SCFD1: variants seen among roughly 807,000 people sequenced by gnomAD.
SCFD1 encodes sec1 family domain containing 1.
A neutral mutation model predicts 103.2 loss-of-function variants in SCFD1; 37 were observed. That is an observed-to-expected ratio of 0.36 (90% CI 0.28 to 0.47). The LOEUF is 0.47. Ranked by LOEUF, SCFD1 falls within the 20% of genes least tolerant of loss-of-function variation. The probability of loss-of-function intolerance (pLI) is 1.00; values close to 1 mark genes in which losing one functional copy is unlikely to be tolerated. For missense variants in SCFD1, 639 were observed against 761.2 expected, an observed-to-expected ratio of 0.84 and a Z score of 1.89; for synonymous variants, 264 against 245.0, an observed-to-expected ratio of 1.08 and a Z score of -0.73.
chr14:30,715,839 A>T, intron 19 of SCFD1, 85 bp from the exon 20 acceptor site: 3 of 699,312 alleles, frequency 4.3e-6, no homozygotes, highest in Non-Finnish European at 7.4e-6. Context: ...AGGTAAGCAT[A>T]CTTAACTGTA....
Position 30,630,564 on chromosome 14 carries a change from C to A in SCFD1, c.220C>A (p.Leu74Met), listed in dbSNP as rs750642285. ...AAGAGACATGGGAATCACTCTGCATCTGTGAGTTTTTACATATTTCTAATA... is the reference window on the plus strand; with the variant it reads ...AAGAGACATGGGAATCACTCTGCATATGTGAGTTTTTACATATTTCTAATA... ...ELRDMGITLH[L>M]LLHSDRDPIP... The change falls in exon 3 of 25, where the codon CTG becomes ATG. Residue 74 changes from leucine (L) to methionine (M), a missense_variant and splice_region_variant. Leu to Met is a conservative substitution (Grantham distance 15). Coordinates refer to ENST00000458591, the MANE Select transcript of SCFD1 (RefSeq NM_016106.4). 3 of 1,547,394 alleles carry A rather than the reference C, an allele frequency of 1.9e-6. No homozygotes were observed. Among genetic ancestry groups the A allele is most frequent in the South Asian group, 1.1e-5 (1 of 89,468 alleles).
At position 30,728,838 on chromosome 14, in the gene SCFD1, C is replaced by CTT. The variant is rs367747323; in HGVS notation, c.1837-5935_1837-5934dup. On this transcript the variant is annotated intron_variant, in intron 23 of 24. Transcript: ENST00000458591. Reference sequence around the variant, plus strand: ...AAATGTCTGTTTAGATCCTTTGTCCCTTTTTTTTTTTTTTTTTTCCCCCCG... The same window carrying CTT: ...AAATGTCTGTTTAGATCCTTTGTCCCTTTTTTTTTTTTTTTTTTTTCCCCCCG... Among the ~76,000 whole-genome samples, 450 of 131,678 alleles carry CTT rather than the reference C, an allele frequency of 3.4e-3. 6 individuals carry two copies. Among genetic ancestry groups the CTT allele is most frequent in the East Asian group, 0.019 (78 of 4,140 alleles). The allele number at this position is 131,678 out of a possible 152,430, so 86.4% of individuals were successfully genotyped here. A position where few individuals can be genotyped will look rare whatever the true frequency, so the allele number is the denominator to read the frequency against.
At position 30,638,225 on chromosome 14, in the gene SCFD1, G is replaced by T. The variant is rs1884925079; in HGVS notation, c.413G>T (p.Ser138Ile). The T allele has an allele frequency of 3.1e-6, 5 of 1,613,014 alleles. No homozygotes were observed. The highest frequency in any genetic ancestry group is 3.4e-6 in the Non-Finnish European group (4 of 1,179,500). The change falls in exon 5 of 25, where the codon AGT becomes ATT. Residue 138 changes from serine (S) to isoleucine (I), a missense_variant. By Grantham distance (142) the Ser-to-Ile change is moderately radical. Transcript: ENST00000458591. ...EDIANAALAASAVTQVAKVFD... is the reference protein window; with the variant it reads ...EDIANAALAAIAVTQVAKVFD... The stretch of plus-strand genomic sequence containing the variant: ...ATTGCAAATGCAGCGTTAGCAGCTA[G>T]TGCAGTAACACAAGTAGCCAAGGTA...
intron 11 of SCFD1, 39 bp from the exon 12 acceptor site, chr14:30,673,218 T>C (rs1425696349): frequency 9.2e-7 from 1 of 1,085,346 alleles, no homozygotes; most frequent in Non-Finnish European, 1.3e-6. Flanking sequence ...ATTGGTCTTT[T>C]AATGTCATCC....
intron 23 of SCFD1, among the ~76,000 whole-genome samples, chr14:30,725,446 A>G (rs978545896): frequency 1.3e-5 from 2 of 152,114 alleles, no homozygotes; most frequent in East Asian, 1.9e-4. Context: ...TTTTGTGGCA[A>G]TTGTGAATGG....
rs906332252 is a variant in SCFD1, at chr14:30,683,681, G to A, written c.1242+8616G>A. ...TATACTTTCCTATAGATATTACGTC[G>A]TAGGTAGATTTCTGTCTCACAAACC... On this transcript the variant is annotated intron_variant, in intron 14 of 24. Transcript: ENST00000458591. 8.8e-5 allele frequency: 16 copies of A among 181,840 alleles called. No homozygotes were observed. In the East Asian group the frequency reaches 2.4e-3, roughly 27 times the overall value. 11.3% of individuals were successfully genotyped at this position (181,840 alleles called of 1,614,324 possible).
chr14:30,703,919 A>G (rs1325097035), intron 17 of SCFD1, among the ~76,000 whole-genome samples: 1 of 33,300 alleles, frequency 3.0e-5, no homozygotes, highest in African/African-American at 2.8e-4. Flanking sequence ...GCATATATAT[A>G]TATATATATA....
intron 21 of SCFD1, among the ~76,000 whole-genome samples, chr14:30,720,177 C>T (rs1892557835): frequency 6.6e-6 from 1 of 152,090 alleles, no homozygotes; most frequent in South Asian, 2.1e-4. Flanking sequence ...AACGTTATTC[C>T]CTTTTCTGAA....
intron 6 of SCFD1, among the ~76,000 whole-genome samples, chr14:30,642,462 A>G (rs781626811): frequency 4.6e-5 from 7 of 152,298 alleles, no homozygotes; most frequent in Admixed American, 1.3e-4. Context: ...AGAATCTTTA[A>G]TTTTTAAAAA....
intron 14 of SCFD1, among the ~76,000 whole-genome samples, chr14:30,675,542 A>G (rs1888957394): frequency 1.3e-5 from 2 of 152,208 alleles, no homozygotes; most frequent in African/African-American, 2.4e-5. Context: ...TGAAACAAGT[A>G]TGTTGGGAGT....
intron 14 of SCFD1, among the ~76,000 whole-genome samples, chr14:30,691,049 G>C (rs1229802103): frequency 4.6e-5 from 7 of 152,182 alleles, no homozygotes; most frequent in Admixed American, 2.0e-4. Flanking sequence ...TCAAGAATTT[G>C]AGAAAAGGCC....
intron 9 of SCFD1, among the ~76,000 whole-genome samples, chr14:30,652,606 T>A (rs1275674143): frequency 6.6e-6 from 1 of 152,214 alleles, no homozygotes; most frequent in Non-Finnish European, 1.5e-5. Flanking sequence ...AACTATTCCT[T>A]ATTGCCTTTT....
At chr14:30,647,062 C>T (rs1301695547) in intron 7 of SCFD1, among the ~76,000 whole-genome samples, 2 of 152,038 alleles carry the variant, frequency 1.3e-5, no homozygotes, top group Admixed American at 6.6e-5. Context: ...AAAGAAACAA[C>T]TTCTGGTTTC....
At chr14:30,703,266 T>G (rs939130895) in intron 17 of SCFD1, among the ~76,000 whole-genome samples, 1 of 149,406 alleles carries the variant, frequency 6.7e-6, no homozygotes, top group African/African-American at 2.5e-5. Flanking sequence ...TTTAACCTGC[T>G]GGGGGTGATA....
chr14:30,711,179 A>G (rs1207769459), intron 19 of SCFD1, among the ~76,000 whole-genome samples: 1 of 152,252 alleles, frequency 6.6e-6, no homozygotes, highest in Non-Finnish European at 1.5e-5. Context: ...TTGCAAAAAT[A>G]ATCCCTCCTT....
intron 16 of SCFD1, among the ~76,000 whole-genome samples, chr14:30,700,542 C>G (rs1356125244): frequency 1.3e-5 from 2 of 152,090 alleles, no homozygotes; most frequent in African/African-American, 2.4e-5. Flanking sequence ...AGTGTGGTGG[C>G]GTGCGCCTGT....
chr14:30,726,513 A>G (rs1471618448), intron 23 of SCFD1, among the ~76,000 whole-genome samples: 1 of 152,154 alleles, frequency 6.6e-6, no homozygotes, highest in East Asian at 1.9e-4. Context: ...ATGTTTTCTC[A>G]TCTTTCTCAA....
intron 20 of SCFD1, among the ~76,000 whole-genome samples, chr14:30,717,997 A>G (rs1028245567): frequency 2.0e-5 from 3 of 152,216 alleles, no homozygotes; most frequent in Non-Finnish European, 4.4e-5. Context: ...AGGTGAGGAC[A>G]CTGTAGTGCA....
At chr14:30,660,398 A>G (rs1460358967) in intron 10 of SCFD1, among the ~76,000 whole-genome samples, 3 of 152,132 alleles carry the variant, frequency 2.0e-5, no homozygotes, top group Admixed American at 2.0e-4. Flanking sequence ...TTACATCAGG[A>G]GGTACATAAT....
Sources: gnomAD v4.1 joint callset for allele counts (sites outside exome capture counted in the v4.1 genomes callset) on GRCh38, gnomAD v4.1.1 for gene constraint, MANE v1.5 for transcripts, NCBI Gene and HGNC (gene_info 2026-07-23, HGNC 2026-07-21) for gene names.